The following CDC37L1 variants were observed in gnomAD, a reference collection of about 807,000 sequenced individuals.
The protein encoded by CDC37L1 is cell division cycle 37 like 1, HSP90 cochaperone.
CDC37L1 carries 32 observed loss-of-function variants against 45.9 expected under a neutral mutation model. The observed-to-expected ratio is 0.70, with a 90% confidence interval of 0.53 to 0.94. The LOEUF (loss-of-function observed/expected upper bound fraction) is 0.94, where lower values mean the gene tolerates loss of function less well. Among genes scored for constraint, CDC37L1 ranks in the 40% least tolerant of loss-of-function variants. The pLI is 0.00. For missense variants in CDC37L1, 434 were observed against 405.7 expected, an observed-to-expected ratio of 1.07 and a Z score of -0.60; for synonymous variants, 150 against 133.0, an observed-to-expected ratio of 1.13 and a Z score of -0.88.
chr9:4,686,558 A>G (rs1170198560), intron 2 of CDC37L1, among the ~76,000 whole-genome samples: 1 of 152,204 alleles, frequency 6.6e-6, no homozygotes, highest in Non-Finnish European at 1.5e-5. Flanking sequence ...TGTAAAGTTA[A>G]TGTCTCTTCT....
chr9:4,682,616 C>T (rs143144362), intron 1 of CDC37L1, among the ~76,000 whole-genome samples: 179 of 151,622 alleles, frequency 1.2e-3, no homozygotes, highest in African/African-American at 4.2e-3. Flanking sequence ...TAAGCCACCA[C>T]TCCCGGCCAT....
intron 3 of CDC37L1, among the ~76,000 whole-genome samples, chr9:4,691,522 G>A (rs1440396244): frequency 6.6e-6 from 1 of 152,148 alleles, no homozygotes; most frequent in Non-Finnish European, 1.5e-5. Flanking sequence ...AAAGCTTCCA[G>A]TTGGAGGCTT....
Position 4,701,875 on chromosome 9 carries a change from A to G in CDC37L1, c.759A>G (p.Glu253=). 1.9e-6 allele frequency: 3 copies of G among 1,600,490 alleles called. No homozygotes were observed. Among genetic ancestry groups the G allele is most frequent in the Non-Finnish European group, 2.6e-6 (3 of 1,175,490 alleles). Reference sequence around the variant, plus strand: ...TTTGTTTTTTCTAGGCAGAGGAAGAAGGTTATTTTGAAGCATTCAAAAATG... The same window carrying G: ...TTTGTTTTTTCTAGGCAGAGGAAGAGGGTTATTTTGAAGCATTCAAAAATG... ...LFFQKAKAEE[E]GYFEAFKNEL... is the part of the protein sequence containing the mutation. Residue 253 remains glutamate (E), a synonymous_variant, in exon 6 of 7, where the codon GAA becomes GAG. Transcript: ENST00000381854.
In CDC37L1 at chr9:4,706,006, C is replaced by T. The variant is rs1337153267; in HGVS notation, c.913-5C>T. 9 of 1,461,844 alleles carry T rather than the reference C, an allele frequency of 6.2e-6. No individual in the cohort carries two copies. The highest frequency in any genetic ancestry group is 1.4e-5 in the African/African-American group (1 of 71,682). 90.6% of individuals were successfully genotyped at this position (1,461,844 alleles called of 1,614,324 possible). ...CCCCCCAATCTACCTTTTCTTTTTC[C>T]CCAGAATCCAGATTATCTTCAGTAT... On this transcript the variant is annotated splice_region_variant and splice_polypyrimidine_tract_variant and intron_variant, in intron 6 of 6. Coordinates refer to ENST00000381854, the MANE Select transcript of CDC37L1 (RefSeq NM_017913.4).
At chr9:4,679,974 G>T in intron 1 of CDC37L1, 75 bp downstream of exon 1, 1 of 1,567,778 alleles carries the variant, frequency 6.4e-7, no homozygotes, top group South Asian at 1.1e-5. Context: ...GCGTCTCCCA[G>T]ACCCTCTTCT....
chr9:4,698,218 A>G (rs1841365639), intron 5 of CDC37L1, among the ~76,000 whole-genome samples: 1 of 152,110 alleles, frequency 6.6e-6, no homozygotes, highest in Non-Finnish European at 1.5e-5. Context: ...ATTATTGAGC[A>G]AAATAGATAC....
At chr9:4,679,991 T>G in intron 1 of CDC37L1, 92 bp downstream of exon 1, 2 of 1,485,286 alleles carry the variant, frequency 1.3e-6, no homozygotes, top group Admixed American at 2.0e-5. Flanking sequence ...TTCTACGCCT[T>G]TTTCTACGCC....
In CDC37L1 at chr9:4,679,838, G is replaced by A. The variant is rs200494761; in HGVS notation, c.71G>A (p.Ser24Asn). 443 of 1,614,024 alleles carry A rather than the reference G, an allele frequency of 2.7e-4. 2 individuals carry two copies. In the Middle Eastern group the frequency reaches 6.9e-3, roughly 25 times the overall value. ...PRAEGEAEEE[S>N]DFDVFPSSPR... ...GCCGAGGGTGAGGCTGAGGAAGAGAGTGACTTCGACGTGTTCCCCAGTTCT... is the reference window on the plus strand; with the variant it reads ...GCCGAGGGTGAGGCTGAGGAAGAGAATGACTTCGACGTGTTCCCCAGTTCT... The change falls in exon 1 of 7, where the codon AGT (serine) becomes AAT (asparagine). Residue 24 changes from serine (S) to asparagine (N), a missense_variant. Physicochemically the swap from Ser to Asn is conservative, Grantham distance 46. Transcript: ENST00000381854.
At chr9:4,698,564 G>A (rs1228563519) in intron 5 of CDC37L1, among the ~76,000 whole-genome samples, 1 of 151,684 alleles carries the variant, frequency 6.6e-6, no homozygotes, top group Non-Finnish European at 1.5e-5. Context: ...AAGAATTTGC[G>A]TTCACTGCTA....
intron 3 of CDC37L1, among the ~76,000 whole-genome samples, chr9:4,691,605 A>T (rs1418063115): frequency 6.6e-6 from 1 of 151,506 alleles, no homozygotes; most frequent in Non-Finnish European, 1.5e-5. Context: ...ATAGGGCTAT[A>T]GGGGCTTTAC....
intron 1 of CDC37L1, among the ~76,000 whole-genome samples, chr9:4,680,665 A>C (rs911106306): frequency 6.6e-6 from 1 of 151,900 alleles, no homozygotes; most frequent in Non-Finnish European, 1.5e-5. Flanking sequence ...ATACTTACAT[A>C]CTCGCATCAC....
At position 4,699,006 on chromosome 9, in the gene CDC37L1, A is replaced by G. The variant is rs190551710; in HGVS notation, c.747+1127A>G. Among the ~76,000 whole-genome samples, 9 of 152,266 alleles carry G rather than the reference A, an allele frequency of 5.9e-5. No individual in the cohort carries two copies. The East Asian group carries it at 1.7e-3, about 29-fold the overall frequency. On this transcript the variant is annotated intron_variant, in intron 5 of 6. Coordinates refer to ENST00000381854, the MANE Select transcript of CDC37L1 (RefSeq NM_017913.4). ...GAGTTTGTCATTGTTATTTTTAGTT[A>G]ATGTTTTAAAAATTCCTCAGTTTTC...
intron 4 of CDC37L1, 57 bp downstream of exon 4, chr9:4,697,268 C>T (rs1163334213): frequency 8.7e-6 from 7 of 804,626 alleles, no homozygotes; most frequent in Non-Finnish European, 1.5e-5. Flanking sequence ...TGATTTCATA[C>T]TTTATTGATG....
chr9:4,683,082 T>TTA (rs1363326839), intron 1 of CDC37L1, among the ~76,000 whole-genome samples: 451 of 143,744 alleles, frequency 3.1e-3, no homozygotes, highest in Non-Finnish European at 5.2e-3. Flanking sequence ...TTTATATATT[T>TTA]TATATATATA....
intron 5 of CDC37L1, among the ~76,000 whole-genome samples, chr9:4,698,856 A>G (rs1001393573): frequency 6.6e-6 from 1 of 152,214 alleles, no homozygotes; most frequent in East Asian, 1.9e-4. Context: ...GAATCTAGCC[A>G]TCTTCTGTAA....
intron 3 of CDC37L1, among the ~76,000 whole-genome samples, chr9:4,689,608 A>G (rs548060014): frequency 1.2e-4 from 18 of 152,324 alleles, no homozygotes; most frequent in African/African-American, 4.1e-4. Context: ...AAAAAATAGT[A>G]CCCAAGGAAA....
rs913885556 is a variant in CDC37L1 at position 4,696,990 on chromosome 9, T to G, written c.509-106T>G. ...TGAATTGTCTTTAAAGAGAATCATT[T>G]AAAAATACCATTGAGAGATTAATGA... On this transcript the variant is annotated intron_variant, in intron 3 of 6. Transcript: ENST00000381854. The G allele has an allele frequency of 7.7e-5, 47 of 611,648 alleles. No individual in the cohort carries two copies. The African/African-American group carries it at 8.5e-4, about 11-fold the overall frequency. The allele number at this position is 611,648 out of a possible 1,614,324, so 37.9% of individuals were successfully genotyped here. A position where few individuals can be genotyped will look rare whatever the true frequency, so the allele number is the denominator to read the frequency against.
chr9:4,698,079 C>T (rs1233238472), intron 5 of CDC37L1, among the ~76,000 whole-genome samples, 200 bp downstream of exon 5: 1 of 152,086 alleles, frequency 6.6e-6, no homozygotes, highest in Non-Finnish European at 1.5e-5. Context: ...TGTACTACAG[C>T]ATGTATATGA....
chr9:4,693,017 T>A (rs1361226470), intron 3 of CDC37L1, among the ~76,000 whole-genome samples: 3 of 152,148 alleles, frequency 2.0e-5, no homozygotes, highest in Non-Finnish European at 2.9e-5. Flanking sequence ...GGTAGACGAT[T>A]GGAAATAGAG....
Sources: gnomAD v4.1 joint callset for allele counts (sites outside exome capture counted in the v4.1 genomes callset) on GRCh38, gnomAD v4.1.1 for gene constraint, MANE v1.5 for transcripts, NCBI Gene and HGNC (gene_info 2026-07-23, HGNC 2026-07-21) for gene names.